Variants in ETFA observed in about 807,000 individuals in gnomAD.
ETFA encodes electron transfer flavoprotein subunit alpha, also known as electron transfer flavoprotein subunit alpha, mitochondrial.
ETFA carries 22 observed loss-of-function variants against 46.2 expected under a neutral mutation model. That is an observed-to-expected ratio of 0.48 (90% confidence interval 0.34 to 0.68). ETFA has a LOEUF of 0.68. ETFA is among the 30% of genes least tolerant of loss of function. The probability of loss-of-function intolerance (pLI) is 0.01; values close to 1 mark genes in which losing one functional copy is unlikely to be tolerated. For synonymous variants in ETFA, 131 were observed against 139.9 expected, an observed-to-expected ratio of 0.94 and a Z score of 0.45; for missense variants, 345 against 401.1, an observed-to-expected ratio of 0.86 and a Z score of 1.19.
At chr15:76,236,826 ACTCT>A (rs931814468) in intron 9 of ETFA, among the ~76,000 whole-genome samples, 16 of 152,132 alleles carry the variant, frequency 1.1e-4, no homozygotes, top group Non-Finnish European at 1.8e-4. Context: ...TGAAAAAGCA[ACTCT>A]CTATCAAATT....
At chr15:76,227,128 TA>T (rs1461167382) in intron 10 of ETFA, among the ~76,000 whole-genome samples, 1 of 152,166 alleles carries the variant, frequency 6.6e-6, no homozygotes, top group African/African-American at 2.4e-5. Context: ...CCAGGCATGG[TA>T]ACTCATACCT....
At chr15:76,259,736 T>C (rs1165564235) in intron 9 of ETFA, 9 of 1,546,496 alleles carry the variant, frequency 5.8e-6, no homozygotes, top group Non-Finnish European at 8.0e-6. Context: ...CAGCATGCAG[T>C]TCCGAGCGGC....
intron 9 of ETFA, among the ~76,000 whole-genome samples, chr15:76,247,971 G>GT (rs1464062396): frequency 6.6e-6 from 1 of 152,188 alleles, no homozygotes; most frequent in African/African-American, 2.4e-5. Context: ...TGAAGCTTTA[G>GT]TATCTATACA....
intron 9 of ETFA, among the ~76,000 whole-genome samples, chr15:76,271,038 T>G (rs997271417): frequency 5.9e-5 from 9 of 151,926 alleles, no homozygotes; most frequent in Non-Finnish European, 1.3e-4. Context: ...GGCGGGTTGG[T>G]GCATGCCTGT....
intron 9 of ETFA, among the ~76,000 whole-genome samples, chr15:76,238,715 A>G (rs2039152444): frequency 6.6e-6 from 1 of 152,194 alleles, no homozygotes; most frequent in Admixed American, 6.5e-5. Context: ...TAATTATTGG[A>G]GCCTCCTGTG....
chr15:76,227,843 G>A (rs184654911), intron 10 of ETFA: 1 of 456,086 alleles, frequency 2.2e-6, no homozygotes, highest in Non-Finnish European at 4.4e-6. Flanking sequence ...TCCTCAGAGA[G>A]ATGTGCAGAA....
At chr15:76,227,682 T>C (rs1261204520) in intron 10 of ETFA, 6 of 382,162 alleles carry the variant, frequency 1.6e-5, no homozygotes, top group Non-Finnish European at 3.1e-5. Context: ...ATAATTCAAA[T>C]CTCTAGAAGT....
intron 1 of ETFA, among the ~76,000 whole-genome samples, chr15:76,308,804 T>C (rs747089570): frequency 2.6e-5 from 4 of 152,208 alleles, no homozygotes; most frequent in Non-Finnish European, 4.4e-5. Flanking sequence ...AATTACAGTG[T>C]AGTTAGAAAG....
intron 1 of ETFA, among the ~76,000 whole-genome samples, chr15:76,298,275 C>T (rs1398606305): frequency 6.6e-6 from 1 of 152,078 alleles, no homozygotes; most frequent in Admixed American, 6.6e-5. Context: ...AACTCCTGAC[C>T]TCAAATGATC....
At chr15:76,246,694 G>T (rs1417650653) in intron 9 of ETFA, among the ~76,000 whole-genome samples, 1 of 151,878 alleles carries the variant, frequency 6.6e-6, no homozygotes, top group Non-Finnish European at 1.5e-5. Flanking sequence ...TTAGCCGGGC[G>T]TGGTGGCAGG....
intron 9 of ETFA, among the ~76,000 whole-genome samples, chr15:76,247,903 CTG>C (rs773096350): frequency 8.9e-4 from 135 of 152,306 alleles, no homozygotes; most frequent in Admixed American, 2.5e-3. Context: ...TTTGAATAGA[CTG>C]TGAACCAGTT....
intron 11 of ETFA, among the ~76,000 whole-genome samples, chr15:76,225,541 C>T (rs978744127): frequency 2.0e-5 from 3 of 151,892 alleles, no homozygotes; most frequent in Admixed American, 2.0e-4. Context: ...CGCCCGCCTC[C>T]GCCTCCCAAA....
chr15:76,289,759 T>C (rs2141536028), intron 4 of ETFA, among the ~76,000 whole-genome samples: 1 of 152,338 alleles, frequency 6.6e-6, no homozygotes, highest in East Asian at 1.9e-4. Context: ...AGCAAATTGT[T>C]TGGCTTCTTC....
chr15:76,287,643 A>G lies in ETFA; in HGVS notation c.451+203T>C, dbSNP rs1286542066. 3 of 514,026 alleles carry G rather than the reference A, an allele frequency of 5.8e-6. No individual in the cohort carries two copies. The Admixed American group carries it at 9.7e-5, about 17-fold the overall frequency. 31.8% of individuals were successfully genotyped at this position (514,026 alleles called of 1,614,324 possible). On this transcript the variant is annotated intron_variant, in intron 5 of 11. Coordinates refer to ENST00000557943, the MANE Select transcript of ETFA (RefSeq NM_000126.4). The stretch of plus-strand genomic sequence containing the variant: ...CCTGCAAACTGAATAAACAGGCAGG[A>G]AATCTCTGTGTTTGCGATCCATCAG...
At chr15:76,286,239 G>A (rs2039703462) in intron 6 of ETFA, 132 bp downstream of exon 6, 2 of 606,024 alleles carry the variant, frequency 3.3e-6, no homozygotes, top group African/African-American at 3.7e-5. Flanking sequence ...TATAAGCTTG[G>A]GAATATCATT....
At chr15:76,270,912 G>T (rs1224693233) in intron 9 of ETFA, among the ~76,000 whole-genome samples, 1 of 152,126 alleles carries the variant, frequency 6.6e-6, no homozygotes, top group Non-Finnish European at 1.5e-5. Flanking sequence ...GCTCATGCTT[G>T]TAATCCCAGC....
intron 9 of ETFA, chr15:76,259,167 G>C (rs1239008058): frequency 8.6e-6 from 13 of 1,510,244 alleles, no homozygotes; most frequent in Non-Finnish European, 9.2e-6. Context: ...GCCATCCCCA[G>C]ATCCACTGTA....
intron 1 of ETFA, among the ~76,000 whole-genome samples, chr15:76,303,958 A>G (rs2039909027): frequency 6.6e-6 from 1 of 152,264 alleles, no homozygotes; most frequent in Non-Finnish European, 1.5e-5. Flanking sequence ...AGGAATATGA[A>G]CCATTCTACC....
intron 4 of ETFA, 137 bp from the exon 5 acceptor site, chr15:76,288,082 G>T: frequency 1.5e-6 from 1 of 663,962 alleles, no homozygotes; most frequent in Non-Finnish European, 2.7e-6. Flanking sequence ...TGCACCTTTG[G>T]ATACACAACT....
Sources: allele counts gnomAD v4.1 joint callset (sites outside exome capture counted in the v4.1 genomes callset), GRCh38; gene constraint gnomAD v4.1.1; transcripts MANE v1.5; gene names NCBI Gene and HGNC (gene_info 2026-07-23, HGNC 2026-07-21).